Variants in ARL15 observed in about 807,000 individuals in gnomAD.
The protein encoded by ARL15 is ARF like GTPase 15.
Under a neutral mutation model 25.2 loss-of-function variants are expected in ARL15, and 19 were observed. The observed-to-expected ratio is 0.75, with a 90% CI of 0.53 to 1.10. ARL15 has a LOEUF of 1.10. Ranked by LOEUF, ARL15 falls within the 50% of genes least tolerant of loss-of-function variation. The pLI is 0.00. For missense variants in ARL15, 220 were observed against 246.0 expected (o/e 0.89, Z 0.71); for synonymous variants, 94 against 86.8 (o/e 1.08, Z -0.46).
At chr5:53,894,602 TG>T (rs1744814507) in intron 4 of ARL15, among the ~76,000 whole-genome samples, 1 of 152,238 alleles carries the variant, frequency 6.6e-6, no homozygotes. Context: ...CAGTTATGTA[TG>T]GGTGCTTCTT....
intron 3 of ARL15, among the ~76,000 whole-genome samples, chr5:54,144,224 C>G (rs1255255293): frequency 6.6e-6 from 1 of 151,418 alleles, no homozygotes; most frequent in Non-Finnish European, 1.5e-5. Flanking sequence ...ATATTTTATG[C>G]TTTTTCTCCT....
At chr5:53,892,471 T>G (rs1441614555) in intron 4 of ARL15, among the ~76,000 whole-genome samples, 1 of 152,238 alleles carries the variant, frequency 6.6e-6, no homozygotes, top group Non-Finnish European at 1.5e-5. Context: ...CACGTGCAGC[T>G]ATTACTGCTT....
chr5:53,976,205 G>GCAAC (rs1286383484), intron 4 of ARL15, among the ~76,000 whole-genome samples: 1 of 152,154 alleles, frequency 6.6e-6, no homozygotes, highest in African/African-American at 2.4e-5. Context: ...GGGGTGATAG[G>GCAAC]CAACCACACG....
At chr5:53,991,561 A>AAAAGGG (rs1388513035) in intron 4 of ARL15, among the ~76,000 whole-genome samples, 3 of 92,070 alleles carry the variant, frequency 3.3e-5, no homozygotes, top group Non-Finnish European at 6.6e-5. Flanking sequence ...AAAAAAAAAA[A>AAAAGGG]GGGGGGGCGG....
At chr5:53,921,971 G>A (rs1484012470) in intron 4 of ARL15, among the ~76,000 whole-genome samples, 1 of 152,156 alleles carries the variant, frequency 6.6e-6, no homozygotes, top group Non-Finnish European at 1.5e-5. Context: ...ACATACCAGA[G>A]CTATGCACTG....
intron 1 of ARL15, among the ~76,000 whole-genome samples, chr5:54,194,041 T>C (rs1438655276): frequency 1.3e-5 from 2 of 152,160 alleles, no homozygotes; most frequent in Non-Finnish European, 2.9e-5. Flanking sequence ...TGGGAGACTA[T>C]GGTAGTGAAC....
intron 4 of ARL15, among the ~76,000 whole-genome samples, chr5:53,996,508 A>T (rs999640772): frequency 3.3e-5 from 5 of 151,878 alleles, no homozygotes; most frequent in African/African-American, 1.2e-4. Context: ...AATCCCAGCT[A>T]CTTGGGAGGC....
At chr5:53,960,584 C>T (rs1219811237) in intron 4 of ARL15, among the ~76,000 whole-genome samples, 1 of 152,134 alleles carries the variant, frequency 6.6e-6, no homozygotes, top group Non-Finnish European at 1.5e-5. Flanking sequence ...TTTTGTATTG[C>T]TGAGTAAAGA....
chr5:53,886,290 T>G lies in ARL15; in HGVS notation c.*271A>C. ...CAGCACAGAGTATAGAAGAGATGCT[T>G]AGAACAACAGAAGGAAGAGACATGC... On this transcript the variant is annotated 3_prime_UTR_variant, in exon 5 of 5. Transcript: ENST00000504924. 1 of 342,616 alleles carries G rather than the reference T, an allele frequency of 2.9e-6. No homozygotes were observed. The highest frequency in any genetic ancestry group is 2.1e-5 in the African/African-American group (1 of 47,246). The allele number at this position is 342,616 out of a possible 1,614,324, so 21.2% of individuals were successfully genotyped here.
intron 4 of ARL15, among the ~76,000 whole-genome samples, chr5:54,041,006 T>C (rs1268098339): frequency 3.3e-5 from 5 of 152,198 alleles, no homozygotes; most frequent in Non-Finnish European, 7.3e-5. Context: ...GCAGACTTGG[T>C]CACTCCTTTG....
intron 4 of ARL15, among the ~76,000 whole-genome samples, chr5:53,915,835 C>G (rs372296983): frequency 6.6e-6 from 1 of 152,250 alleles, no homozygotes; most frequent in Non-Finnish European, 1.5e-5. Flanking sequence ...GAAAGAGAAA[C>G]GACTTGATTT....
At chr5:54,142,538 C>A (rs562329453) in intron 3 of ARL15, among the ~76,000 whole-genome samples, 1 of 152,270 alleles carries the variant, frequency 6.6e-6, no homozygotes, top group African/African-American at 2.4e-5. Flanking sequence ...ACAGCCCATG[C>A]TCTCCTGGAC....
rs78844256 is a variant in ARL15 at position 54,236,040 on chromosome 5, A to G, written c.49-64112T>C. On this transcript the variant is annotated intron_variant, in intron 1 of 4. Coordinates refer to ENST00000504924, the MANE Select transcript of ARL15 (RefSeq NM_019087.3). ...GATATAGCTATTTGGTTTTTAAATCATTAGACTGGAAAAGAAAATTTTTTA... is the reference window on the plus strand; with the variant it reads ...GATATAGCTATTTGGTTTTTAAATCGTTAGACTGGAAAAGAAAATTTTTTA... Among the ~76,000 whole-genome samples the G allele has an allele frequency of 8.2e-3, 1,245 of 152,250 alleles. 26 individuals are homozygous for G. The highest frequency in any genetic ancestry group is 0.029 in the African/African-American group (1,196 of 41,512).
intron 1 of ARL15, among the ~76,000 whole-genome samples, chr5:54,208,268 G>A (rs544144630): frequency 1.3e-5 from 2 of 152,190 alleles, no homozygotes; most frequent in South Asian, 2.1e-4. Flanking sequence ...AATATAAATA[G>A]ACAAGAACTG....
intron 4 of ARL15, among the ~76,000 whole-genome samples, chr5:53,905,952 T>G (rs1745237904): frequency 6.6e-6 from 1 of 152,138 alleles, no homozygotes; most frequent in African/African-American, 2.4e-5. Context: ...TGAAATAGGG[T>G]TTGTAAATTT....
intron 3 of ARL15, among the ~76,000 whole-genome samples, chr5:54,150,118 C>T (rs1372862646): frequency 6.6e-6 from 1 of 152,146 alleles, no homozygotes; most frequent in African/African-American, 2.4e-5. Context: ...TTGGTTTATG[C>T]AGGAACAGTG....
At chr5:54,062,398 T>G (rs1383719192) in intron 4 of ARL15, among the ~76,000 whole-genome samples, 3 of 151,950 alleles carry the variant, frequency 2.0e-5, no homozygotes, top group Non-Finnish European at 4.4e-5. Context: ...CCAAATCTCA[T>G]GTTGAATTCC....
Position 54,154,580 on chromosome 5 carries a change from C to T in ARL15, c.253G>A (p.Gly85Arg). The T allele has an allele frequency of 6.6e-7, 1 of 1,519,784 alleles. No individual in the cohort carries two copies. Among genetic ancestry groups the T allele is most frequent in the East Asian group, 2.5e-5 (1 of 39,482 alleles). 94.1% of individuals were successfully genotyped at this position (1,519,784 alleles called of 1,614,324 possible). ...NAILNVKELG[G>R]ADNIRKYWSR... ...ATAGAAATGATTTGAAATGTTATAC[C>T]TCCAAGTTCTTTTACATTCAAGATG... Residue 85 changes from glycine (G) to arginine (R), a missense_variant and splice_region_variant, in exon 3 of 5, where the codon GGG (glycine) becomes AGG (arginine). Physicochemically the swap from Gly to Arg is moderately radical, Grantham distance 125. Coordinates refer to ENST00000504924, the MANE Select transcript of ARL15 (RefSeq NM_019087.3).
chr5:53,907,835 C>T (rs1336714493), intron 4 of ARL15, among the ~76,000 whole-genome samples: 1 of 151,854 alleles, frequency 6.6e-6, no homozygotes, highest in East Asian at 1.9e-4. Context: ...GTGAGCAATG[C>T]CTAATAACTG....
Sources: allele counts gnomAD v4.1 joint callset (sites outside exome capture counted in the v4.1 genomes callset), GRCh38; gene constraint gnomAD v4.1.1; transcripts MANE v1.5; gene names NCBI Gene and HGNC (gene_info 2026-07-23, HGNC 2026-07-21).